CD1B: variants seen among roughly 807,000 people sequenced by gnomAD.
CD1B encodes CD1b molecule.
A neutral mutation model predicts 39.8 loss-of-function variants in CD1B; 43 were observed. The ratio of observed to expected loss-of-function variants is 1.08; its 90% CI spans 0.85 to 1.39. The LOEUF (loss-of-function observed/expected upper bound fraction) is 1.39. Ranked by LOEUF, CD1B falls within the 40% of genes most tolerant of loss-of-function variation. The pLI is 0.00. For missense variants in CD1B, 495 were observed against 403.8 expected, an observed-to-expected ratio of 1.23 and a Z score of -1.94; for synonymous variants, 192 against 152.5, an observed-to-expected ratio of 1.26 and a Z score of -1.91.
At chr1:158,305,663 G>T in the CD1B span, among the ~76,000 whole-genome samples, 2 of 152,176 alleles carry the variant, frequency 1.3e-5, no homozygotes, top group African/African-American at 2.4e-5. Context: ...AGGAAAAAAT[G>T]TTAAGGGCAG....
downstream of CD1B, among the ~76,000 whole-genome samples, chr1:158,326,618 C>T (rs933122213): frequency 9.9e-5 from 15 of 151,774 alleles, no homozygotes; most frequent in Admixed American, 7.9e-4. Flanking sequence ...AATGTAATTT[C>T]GGCTATATGT....
the CD1B span, among the ~76,000 whole-genome samples, chr1:158,301,650 G>T: frequency 2.6e-5 from 4 of 152,184 alleles, no homozygotes; most frequent in South Asian, 2.1e-4. Flanking sequence ...TTTCTGCAGA[G>T]AAATCAGCTG....
chr1:158,309,260 T>C, the CD1B span, among the ~76,000 whole-genome samples: 1 of 152,054 alleles, frequency 6.6e-6, no homozygotes, highest in African/African-American at 2.4e-5. Flanking sequence ...ATCAGAGAAA[T>C]GCAAATCAAA....
intron 5 of CD1B, 75 bp from the exon 6 acceptor site, chr1:158,328,332 A>G (rs1021525386): frequency 7.1e-6 from 9 of 1,263,288 alleles, no homozygotes; most frequent in Non-Finnish European, 1.0e-5. Context: ...AATATTATTC[A>G]TGATAGTTAA....
At chr1:158,289,864 T>C in the CD1B span, 15 of 535,402 alleles carry the variant, frequency 2.8e-5, no homozygotes, top group Middle Eastern at 4.9e-4. Context: ...AGAATAACTT[T>C]AGTTCAGAGC....
At chr1:158,296,627 T>G in the CD1B span, among the ~76,000 whole-genome samples, 4 of 152,150 alleles carry the variant, frequency 2.6e-5, no homozygotes, top group Non-Finnish European at 5.9e-5. Flanking sequence ...GACATAGATT[T>G]TAGAATCTGG....
chr1:158,309,449 A>T, the CD1B span, among the ~76,000 whole-genome samples: 12 of 152,234 alleles, frequency 7.9e-5, no homozygotes, highest in Non-Finnish European at 1.5e-4. Context: ...TAGAACTAGA[A>T]ATACCATTTG....
At chr1:158,308,407 C>T in the CD1B span, among the ~76,000 whole-genome samples, 1 of 152,070 alleles carries the variant, frequency 6.6e-6, no homozygotes, top group Non-Finnish European at 1.5e-5. Flanking sequence ...CCATACTGCC[C>T]AAGGTAATTT....
At chr1:158,292,477 G>C in the CD1B span, 2 of 1,486,942 alleles carry the variant, frequency 1.3e-6, no homozygotes, top group African/African-American at 2.8e-5. Flanking sequence ...GGGGGTTGCT[G>C]GGTAATAGTT....
intron 5 of CD1B, 25 bp from the exon 6 acceptor site, chr1:158,328,282 A>G (rs1652434522): frequency 1.3e-6 from 2 of 1,599,968 alleles, no homozygotes; most frequent in South Asian, 2.2e-5. Flanking sequence ...AGAACAAAAG[A>G]GCTCCACATA....
chr1:158,291,330 G>A, the CD1B span: 24 of 1,613,944 alleles, frequency 1.5e-5, no homozygotes, highest in African/African-American at 2.7e-5. Flanking sequence ...ACCTAGAGTT[G>A]TTATTTCGTT....
the CD1B span, chr1:158,292,315 G>A: frequency 3.6e-5 from 58 of 1,614,036 alleles, no homozygotes; most frequent in Non-Finnish European, 4.0e-5. Flanking sequence ...ACTTGCCCCC[G>A]ATTTCTCTTG....
downstream of CD1B, among the ~76,000 whole-genome samples, chr1:158,323,103 A>G (rs1291682427): frequency 6.6e-6 from 1 of 151,644 alleles, no homozygotes; most frequent in African/African-American, 2.4e-5. Flanking sequence ...CTTTTTCTGT[A>G]CCCTCTTGAA....
chr1:158,330,219 G>A, intron 2 of CD1B, 89 bp from the exon 3 acceptor site: 3 of 1,219,536 alleles, frequency 2.5e-6, no homozygotes, highest in Admixed American at 2.3e-5. Context: ...ATTTTGGTGG[G>A]GATAAAGTTA....
At chr1:158,304,719 G>C in the CD1B span, among the ~76,000 whole-genome samples, 14 of 152,338 alleles carry the variant, frequency 9.2e-5, no homozygotes, top group Admixed American at 6.5e-4. Flanking sequence ...TCACACGGCA[G>C]GGTACTCCTC....
At chr1:158,308,778 A>G in the CD1B span, among the ~76,000 whole-genome samples, 13 of 152,358 alleles carry the variant, frequency 8.5e-5, no homozygotes, top group African/African-American at 3.1e-4. Context: ...GGTTAGCCAT[A>G]TGTAGAAAGC....
At chr1:158,317,711 A>T in the CD1B span, among the ~76,000 whole-genome samples, 1 of 151,998 alleles carries the variant, frequency 6.6e-6, no homozygotes, top group African/African-American at 2.4e-5. Context: ...CTAGCTTTTG[A>T]ATGTGTTTGC....
At chr1:158,303,436 T>G in the CD1B span, among the ~76,000 whole-genome samples, 3 of 152,274 alleles carry the variant, frequency 2.0e-5, no homozygotes, top group East Asian at 5.8e-4. Flanking sequence ...GCCAGAGCAA[T>G]CAGGGAAGAG....
the CD1B span, chr1:158,292,342 G>T: frequency 3.1e-6 from 5 of 1,613,924 alleles, no homozygotes; most frequent in Middle Eastern, 6.6e-4. Context: ...CTGGATGCAG[G>T]GAAGATGTAT....
Sources: gnomAD v4.1 joint callset for allele counts (sites outside exome capture counted in the v4.1 genomes callset) on GRCh38, gnomAD v4.1.1 for gene constraint, MANE v1.5 for transcripts, NCBI Gene and HGNC (gene_info 2026-07-23, HGNC 2026-07-21) for gene names.